Variants in DMXL1 observed in about 807,000 individuals in gnomAD.
DMXL1 encodes the protein Dmx like 1.
Under a neutral mutation model 319.2 loss-of-function variants are expected in DMXL1, and 99 were observed. The observed-to-expected ratio is 0.31, with a 90% CI of 0.26 to 0.37. The LOEUF is 0.37. Among genes scored for constraint, DMXL1 ranks in the 10% least tolerant of loss-of-function variants. DMXL1 has a pLI of 1.00. For missense variants in DMXL1, 3,745 were observed against 3,595.6 expected (o/e 1.04, Z -1.06); for synonymous variants, 1,385 against 1,235.2 (o/e 1.12, Z -2.54).
At chr5:119,097,381 G>T (rs1049186183) in intron 1 of DMXL1, among the ~76,000 whole-genome samples, 2 of 152,192 alleles carry the variant, frequency 1.3e-5, no homozygotes, top group African/African-American at 2.4e-5. Context: ...GGAGAGAGAT[G>T]ATCATGGTTC....
rs779788208 is a variant in DMXL1 at position 119,171,251 on chromosome 5, T to C, written c.6460T>C (p.Leu2154=). The C allele has an allele frequency of 5.6e-6, 9 of 1,599,018 alleles. No homozygotes were observed. The highest frequency in any genetic ancestry group is 7.7e-6 in the Non-Finnish European group (9 of 1,171,218). The change falls in exon 24 of 44, where the codon TTG becomes CTG. Residue 2154 remains leucine, a synonymous_variant. Coordinates refer to ENST00000539542, the MANE Select transcript of DMXL1 (RefSeq NM_001290321.3). ...GGGLASVRME[L]ILLLQESQQE... is the part of the protein sequence containing the mutation. ...GGGTCTTGCATCTGTAAGAATGGAA[T>C]TGATTTTGCTTTTGCAAGAATCTCA...
At chr5:119,230,742 C>T (rs769533561) in intron 38 of DMXL1, among the ~76,000 whole-genome samples, 2 of 152,052 alleles carry the variant, frequency 1.3e-5, no homozygotes, top group Admixed American at 1.3e-4. Context: ...ATTAGCTGGG[C>T]GTGGTGGCAC....
At chr5:119,120,177 G>C (rs1043226852) in intron 8 of DMXL1, among the ~76,000 whole-genome samples, 1 of 152,230 alleles carries the variant, frequency 6.6e-6, no homozygotes, top group Non-Finnish European at 1.5e-5. Flanking sequence ...GGGATCACAG[G>C]CGTGAGCCAC....
At position 119,152,045 on chromosome 5, in the gene DMXL1, G is replaced by C; in HGVS notation, c.4702+9G>C. On this transcript the variant is annotated intron_variant, in intron 19 of 43. Coordinates refer to ENST00000539542, the MANE Select transcript of DMXL1 (RefSeq NM_001290321.3). Reference sequence around the variant, plus strand: ...TCAACTCCTTCACCAAGGTGATTTTGATAGTAATCTATTAAAGGGAAATAA... The same window carrying C: ...TCAACTCCTTCACCAAGGTGATTTTCATAGTAATCTATTAAAGGGAAATAA... The C allele has an allele frequency of 6.3e-7, 1 of 1,576,246 alleles. No homozygotes were observed. Among genetic ancestry groups the C allele is most frequent in the Non-Finnish European group, 8.7e-7 (1 of 1,147,326 alleles).
rs1284621904 is a variant in DMXL1 at position 119,164,387 on chromosome 5, T to C, written c.4703-120T>C. ...CTTAAAAAAGCCCATATTTCCAATC[T>C]TAAACTGTGAGTCTCATAGAAGTTT... On this transcript the variant is annotated intron_variant, in intron 19 of 43. Transcript: ENST00000539542. The C allele has an allele frequency of 5.5e-6, 5 of 903,322 alleles. No homozygotes were observed. In the East Asian group the frequency reaches 1.4e-4, roughly 25 times the overall value. The allele number at this position is 903,322 out of a possible 1,614,324, so 56.0% of individuals were successfully genotyped here. A position where few individuals can be genotyped will look rare whatever the true frequency, so the allele number is the denominator to read the frequency against.
chr5:119,133,483 C>G lies in DMXL1; in HGVS notation c.1570-11C>G. ...TTTTATATGTTCTAACACTTGCTTT[C>G]TTGATTCTAGGTGTCCTTTGTTTCC... On this transcript the variant is annotated splice_polypyrimidine_tract_variant and intron_variant, in intron 11 of 43. Coordinates refer to ENST00000539542, the MANE Select transcript of DMXL1 (RefSeq NM_001290321.3). 3 of 1,592,940 alleles carry G rather than the reference C, an allele frequency of 1.9e-6. No individual in the cohort carries two copies. The highest frequency in any genetic ancestry group is 2.3e-5 in the South Asian group (2 of 86,734).
intron 3 of DMXL1, 90 bp from the exon 4 acceptor site, chr5:119,105,090 G>A (rs1758040890): frequency 2.4e-6 from 2 of 821,560 alleles, no homozygotes; most frequent in Non-Finnish European, 2.1e-6. Context: ...GACTGCCTGT[G>A]TTATTGTAAG....
At chr5:119,187,585 A>G (rs1031796097) in intron 28 of DMXL1, among the ~76,000 whole-genome samples, 2 of 152,204 alleles carry the variant, frequency 1.3e-5, no homozygotes, top group Non-Finnish European at 2.9e-5. Context: ...TAGTTAAAGC[A>G]TCTAAAGTAA....
intron 17 of DMXL1, among the ~76,000 whole-genome samples, chr5:119,147,896 G>C (rs891703888): frequency 6.6e-6 from 1 of 152,160 alleles, no homozygotes; most frequent in Non-Finnish European, 1.5e-5. Context: ...CAGCATCAGC[G>C]TCCTGGAAAC....
chr5:119,144,661 A>G, intron 15 of DMXL1, 23 bp downstream of exon 15: 1 of 1,440,172 alleles, frequency 6.9e-7, no homozygotes, highest in Non-Finnish European at 9.6e-7. Context: ...TATTTATGGA[A>G]TGAGAAATAC....
intron 25 of DMXL1, among the ~76,000 whole-genome samples, chr5:119,173,672 ATGTGTGTGTGTG>A (rs771056976): frequency 1.8e-4 from 20 of 110,224 alleles, no homozygotes; most frequent in Non-Finnish European, 3.1e-4. Context: ...AGTAGGATGT[ATGTGTGTGTGTG>A]TGTGTGTGTG....
Position 119,167,953 on chromosome 5 carries a change from T to A in DMXL1, c.5398+89T>A, listed in dbSNP as rs932135656. The A allele has an allele frequency of 2.4e-6, 3 of 1,255,026 alleles. No homozygotes were observed. In the Admixed American group the frequency reaches 9.7e-5, roughly 41 times the overall value. The allele number at this position is 1,255,026 out of a possible 1,614,324, so 77.7% of individuals were successfully genotyped here. A position where few individuals can be genotyped will look rare whatever the true frequency, so the allele number is the denominator to read the frequency against. On this transcript the variant is annotated intron_variant, in intron 23 of 43. Transcript: ENST00000539542. ...TCACTCTATTAGGTGGTAAGGGTAATACAAACAAATTGAATTCATGGTCTT... is the reference window on the plus strand; with the variant it reads ...TCACTCTATTAGGTGGTAAGGGTAAAACAAACAAATTGAATTCATGGTCTT...
chr5:119,090,559 GTTTTT>G (rs200712247), intron 1 of DMXL1, among the ~76,000 whole-genome samples: 3 of 118,464 alleles, frequency 2.5e-5, no homozygotes, highest in African/African-American at 9.2e-5. Context: ...TTTCTCCTCT[GTTTTT>G]TTTTTTTTTT....
At chr5:119,208,602 T>C (rs1782174254) in intron 34 of DMXL1, among the ~76,000 whole-genome samples, 1 of 152,212 alleles carries the variant, frequency 6.6e-6, no homozygotes, top group South Asian at 2.1e-4. Context: ...TATAGTCAGC[T>C]TCATGCTACG....
chr5:119,078,657 G>T (rs2149680123), intron 1 of DMXL1, among the ~76,000 whole-genome samples: 1 of 152,118 alleles, frequency 6.6e-6, no homozygotes, highest in South Asian at 2.1e-4. Flanking sequence ...CCACTATGTT[G>T]CCCAGGCTGG....
intron 32 of DMXL1, among the ~76,000 whole-genome samples, chr5:119,199,720 C>T (rs1780339633): frequency 6.6e-6 from 1 of 152,192 alleles, no homozygotes; most frequent in Non-Finnish European, 1.5e-5. Context: ...GCAACCTTCC[C>T]AGCATCTGTT....
At chr5:119,215,950 G>T (rs971000086) in intron 34 of DMXL1, among the ~76,000 whole-genome samples, 4 of 151,738 alleles carry the variant, frequency 2.6e-5, no homozygotes, top group Admixed American at 2.6e-4. Flanking sequence ...ACAAAACTTA[G>T]CCCGGTGTGG....
chr5:119,087,601 T>C (rs1218343696), intron 1 of DMXL1, among the ~76,000 whole-genome samples: 1 of 152,190 alleles, frequency 6.6e-6, no homozygotes, highest in Non-Finnish European at 1.5e-5. Context: ...GAATAGTCTA[T>C]GTGCTGATGA....
At chr5:119,120,144 C>T (rs887158055) in intron 8 of DMXL1, among the ~76,000 whole-genome samples, 3 of 152,366 alleles carry the variant, frequency 2.0e-5, no homozygotes, top group Non-Finnish European at 4.4e-5. Context: ...AGTGATCTGA[C>T]TGCCTTGGCC....
Sources: allele counts gnomAD v4.1 joint callset (sites outside exome capture counted in the v4.1 genomes callset), GRCh38; gene constraint gnomAD v4.1.1; transcripts MANE v1.5; gene names NCBI Gene and HGNC (gene_info 2026-07-23, HGNC 2026-07-21).